The following TNRC6C variants were observed in gnomAD, a reference collection of about 807,000 sequenced individuals.
The protein encoded by TNRC6C is trinucleotide repeat-containing gene 6C protein.
TNRC6C carries 20 observed loss-of-function variants against 153.7 expected under a neutral mutation model. The ratio of observed to expected loss-of-function variants is 0.13; its 90% CI spans 0.09 to 0.19. TNRC6C has a LOEUF of 0.19. Among genes scored for constraint, TNRC6C ranks in the 10% least tolerant of loss-of-function variants. The pLI, the probability that TNRC6C is intolerant of heterozygous loss-of-function variation, is 1.00. For missense variants in TNRC6C, 1,987 were observed against 2,172.0 expected (o/e 0.91, Z 1.69); for synonymous variants, 811 against 841.4 (o/e 0.96, Z 0.63).
chr17:78,043,442 C>A (rs932377648), intron 2 of TNRC6C, among the ~76,000 whole-genome samples: 1 of 151,996 alleles, frequency 6.6e-6, no homozygotes, highest in African/African-American at 2.4e-5. Context: ...TTTTTTATTT[C>A]TGTGGGTACA....
At chr17:78,038,037 A>T (rs761793211) in intron 2 of TNRC6C, among the ~76,000 whole-genome samples, 20 of 152,248 alleles carry the variant, frequency 1.3e-4, no homozygotes, top group Non-Finnish European at 2.8e-4. Context: ...ATAGTGGTTC[A>T]GATCAATATC....
At chr17:77,978,032 A>G (rs2071025897) in intron 1 of TNRC6C, among the ~76,000 whole-genome samples, 1 of 151,052 alleles carries the variant, frequency 6.6e-6, no homozygotes, top group African/African-American at 2.4e-5. Flanking sequence ...GGTAGCTGGG[A>G]CTACAGGCGC....
At chr17:78,059,905 A>G (rs566371565) in intron 3 of TNRC6C, among the ~76,000 whole-genome samples, 52 of 152,172 alleles carry the variant, frequency 3.4e-4, no homozygotes, top group African/African-American at 1.1e-3. Flanking sequence ...CGATAGCAGT[A>G]GGAAAGAGTT....
At chr17:78,062,758 T>G (rs1000603451) in intron 3 of TNRC6C, among the ~76,000 whole-genome samples, 3 of 152,332 alleles carry the variant, frequency 2.0e-5, no homozygotes, top group Non-Finnish European at 2.9e-5. Context: ...TCATAACCTC[T>G]TCTGTGCCTG....
exon 3 of TNRC6C, chr17:78,051,354 C>CACCACT: frequency 1.9e-6 from 3 of 1,551,498 alleles, no homozygotes; most frequent in Non-Finnish European, 2.6e-6. Context: ...CCACCACCAC[C>CACCACT]ACCACTACCA....
At position 78,021,664 on chromosome 17, in the gene TNRC6C, G is replaced by A. The variant is rs1002318596; in HGVS notation, c.-545-9852G>A. Among the ~76,000 whole-genome samples the A allele has an allele frequency of 1.1e-4, 16 of 152,242 alleles. No individual in the cohort carries two copies. The East Asian group carries it at 2.3e-3, about 22-fold the overall frequency. On this transcript the variant is annotated intron_variant, in intron 1 of 19. Coordinates refer to ENST00000301624, the Ensembl canonical transcript of TNRC6C. ...GGCTCACTGCAACCTCTGCCTCCCT[G>A]GCTCAAGTCATTATTCTGCCTCAGC...
chr17:77,989,285 T>C (rs560667525), intron 1 of TNRC6C, among the ~76,000 whole-genome samples: 2 of 152,364 alleles, frequency 1.3e-5, no homozygotes, highest in South Asian at 4.1e-4. Flanking sequence ...GTAAGACTAT[T>C]AGTACATCTG....
chr17:78,059,571 G>A (rs548169468), intron 3 of TNRC6C, among the ~76,000 whole-genome samples: 1 of 152,218 alleles, frequency 6.6e-6, no homozygotes, highest in Non-Finnish European at 1.5e-5. Context: ...TGTGAGGCCG[G>A]ACACAGTGGC....
At chr17:78,005,771 T>C (rs1193718342) in intron 1 of TNRC6C, among the ~76,000 whole-genome samples, 2 of 152,182 alleles carry the variant, frequency 1.3e-5, no homozygotes, top group Non-Finnish European at 2.9e-5. Context: ...TAGGCTTCAG[T>C]ATCTCATATT....
intron 13 of TNRC6C, among the ~76,000 whole-genome samples, chr17:78,088,128 G>C (rs577663516): frequency 1.3e-5 from 2 of 152,176 alleles, no homozygotes; most frequent in African/African-American, 4.8e-5. Flanking sequence ...CAATGTCTCT[G>C]AAAAGAGCGG....
Position 78,075,502 on chromosome 17 carries a change from T to C in TNRC6C, c.3060+224T>C, listed in dbSNP as rs1220136209. 1.7e-6 allele frequency: 1 copy of C among 579,822 alleles called. No homozygotes were observed. Among genetic ancestry groups the C allele is most frequent in the African/African-American group, 1.9e-5 (1 of 53,822 alleles). The allele number at this position is 579,822 out of a possible 1,614,324, so 35.9% of individuals were successfully genotyped here. On this transcript the variant is annotated intron_variant, in intron 8 of 19. Transcript: ENST00000301624. The surrounding 1 kb of genome is among the most constrained non-coding windows in gnomAD (Gnocchi z 4.2). ...AAAAAGACTGGGATTGAAAACTGAT[T>C]TTCATATTTATTGTGTGAACTTGGC...
At chr17:78,086,685 T>C (rs1261400842) in intron 12 of TNRC6C, 99 bp downstream of exon 14, 1 of 1,556,218 alleles carries the variant, frequency 6.4e-7, no homozygotes, top group Non-Finnish European at 8.8e-7. Flanking sequence ...GATTTTTCTC[T>C]AGCCAAGCCT....
intron 10 of TNRC6C, among the ~76,000 whole-genome samples, chr17:78,082,542 A>G (rs1245730957): frequency 6.6e-6 from 1 of 152,226 alleles, no homozygotes; most frequent in Non-Finnish European, 1.5e-5. Flanking sequence ...ACATGAAACT[A>G]GATAACTGTT....
chr17:77,960,114 C>T (rs2070849638), intron 1 of TNRC6C, among the ~76,000 whole-genome samples: 1 of 152,144 alleles, frequency 6.6e-6, no homozygotes, highest in Non-Finnish European at 1.5e-5. Flanking sequence ...CATTCGAAGG[C>T]ATTTGACGGT....
intron 1 of TNRC6C, among the ~76,000 whole-genome samples, chr17:77,962,038 T>G (rs2070866649): frequency 1.3e-5 from 2 of 152,136 alleles, no homozygotes; most frequent in Non-Finnish European, 1.5e-5. Flanking sequence ...GTTCCTGCAG[T>G]GCTGGCTGGG....
intron 1 of TNRC6C, among the ~76,000 whole-genome samples, chr17:77,976,477 C>T (rs2070998784): frequency 6.6e-6 from 1 of 152,162 alleles, no homozygotes; most frequent in Non-Finnish European, 1.5e-5. Flanking sequence ...CACACAGTAG[C>T]CCCAGTTAGG....
chr17:77,976,835 A>G (rs908178203), intron 1 of TNRC6C, among the ~76,000 whole-genome samples: 3 of 146,202 alleles, frequency 2.1e-5, no homozygotes, highest in Non-Finnish European at 4.5e-5. Context: ...AGGCTGAGGC[A>G]GGAGAATTGC....
exon 3 of TNRC6C, chr17:78,051,395 C>A: frequency 6.5e-7 from 1 of 1,550,060 alleles, no homozygotes; most frequent in Non-Finnish European, 8.7e-7. Flanking sequence ...GTCGAGACGC[C>A]GCCCCCGCAC....
At chr17:78,105,718 T>A (rs1240440626) in exon 20 of TNRC6C, 1 of 152,372 alleles carries the variant, frequency 6.6e-6, no homozygotes, top group South Asian at 2.1e-4. Context: ...CGTGTGAGGA[T>A]TTAACTGTGG....
Sources: gnomAD v4.1 joint callset for allele counts (sites outside exome capture counted in the v4.1 genomes callset) on GRCh38, gnomAD v4.1.1 for gene constraint, Gnocchi (gnomAD v3.1) non-coding constraint, MANE v1.5 for transcripts, NCBI Gene and HGNC (gene_info 2026-07-23, HGNC 2026-07-21) for gene names.